Variants in PTPN13 observed in about 807,000 individuals in gnomAD.
PTPN13 encodes tyrosine-protein phosphatase non-receptor type 13.
In PTPN13, 191 loss-of-function variants were observed where a neutral mutation model predicts 284.0. The observed-to-expected ratio is 0.67, with a 90% CI of 0.60 to 0.76. The LOEUF is 0.76. Ranked by LOEUF, PTPN13 falls within the 30% of genes least tolerant of loss-of-function variation. PTPN13 has a pLI of 0.00. For synonymous variants in PTPN13, 986 were observed against 1,022.3 expected (o/e 0.96, Z 0.68); for missense variants, 2,797 against 2,939.9 (o/e 0.95, Z 1.12).
In PTPN13 at chr4:86,701,291, C is replaced by T; in HGVS notation, c.685C>T (p.His229Tyr). Reference sequence around the variant, plus strand: ...AGACATACAAAAGCCTCCACTCTCTCATCAGACCTTTCTTAACAAAGGGCT... The same window carrying T: ...AGACATACAAAAGCCTCCACTCTCTTATCAGACCTTTCTTAACAAAGGGCT... ...VLDIQKPPLS[H>Y]QTFLNKGLSK... The change falls in exon 7 of 48, where the codon CAT becomes TAT. Residue 229 changes from histidine (H) to tyrosine (Y), a missense_variant. His to Tyr is a moderately conservative substitution (Grantham distance 83, BLOSUM62 2). Transcript: ENST00000411767. The T allele has an allele frequency of 6.2e-7, 1 of 1,610,616 alleles. No individual in the cohort carries two copies. The highest frequency in any genetic ancestry group is 1.3e-5 in the African/African-American group (1 of 74,880).
In PTPN13 at chr4:86,636,973, G is replaced by A. The variant is rs1340077203; in HGVS notation, c.115+1602G>A. On this transcript the variant is annotated intron_variant, in intron 2 of 47. Transcript: ENST00000411767. ...AAAAAGAGAGAAGAATCAAATAGAC[G>A]CAATAAAAAATGATAAAGGGGATAT... is the stretch of plus-strand genomic sequence containing the variant. Among the ~76,000 whole-genome samples, 551 of 150,930 alleles carry A rather than the reference G, an allele frequency of 3.7e-3. 1 individual carries two copies. Among genetic ancestry groups the A allele is most frequent in the African/African-American group, 0.012 (484 of 41,276 alleles).
intron 1 of PTPN13, among the ~76,000 whole-genome samples, chr4:86,596,354 G>A (rs969933143): frequency 6.6e-6 from 1 of 152,142 alleles, no homozygotes; most frequent in South Asian, 2.1e-4. Context: ...ATATTTTGGA[G>A]GGTGATTACC....
At chr4:86,652,221 C>T (rs1418466992) in intron 2 of PTPN13, among the ~76,000 whole-genome samples, 1 of 151,966 alleles carries the variant, frequency 6.6e-6, no homozygotes, top group Non-Finnish European at 1.5e-5. Context: ...TTTGCTATTG[C>T]TTTCTCTTTA....
chr4:86,778,554 A>C (rs781132932), intron 35 of PTPN13, among the ~76,000 whole-genome samples: 3 of 152,244 alleles, frequency 2.0e-5, no homozygotes, highest in Admixed American at 1.3e-4. Flanking sequence ...GTTACTCAAA[A>C]GAACAAGAGT....
In PTPN13 at chr4:86,781,665, T is replaced by A. The variant is rs149112586; in HGVS notation, c.5963-536T>A. ...ATTCAGCCCAAACTGAGCTTTGATG[T>A]GAACTATTTTCTTTTAAGAAATTAG... On this transcript the variant is annotated intron_variant, in intron 36 of 47. Transcript: ENST00000411767. 1.4e-4 allele frequency among the ~76,000 whole-genome samples: 21 copies of A among 152,296 alleles called. No homozygotes were observed. The East Asian group carries it at 3.7e-3, about 27-fold the overall frequency.
At chr4:86,748,863 G>T (rs1737075454) in intron 17 of PTPN13, among the ~76,000 whole-genome samples, 1 of 152,110 alleles carries the variant, frequency 6.6e-6, no homozygotes, top group Non-Finnish European at 1.5e-5. Flanking sequence ...CACCGTGTTA[G>T]CCAGGATGAT....
intron 36 of PTPN13, among the ~76,000 whole-genome samples, chr4:86,780,824 A>G (rs879729438): frequency 1.1e-4 from 17 of 152,244 alleles, no homozygotes; most frequent in Non-Finnish European, 1.8e-4. Flanking sequence ...TAATTAAAAT[A>G]AACTCAAAAT....
intron 46 of PTPN13, 127 bp downstream of exon 46, chr4:86,810,111 C>G (rs28631999): frequency 0.1 from 68,250 of 679,132 alleles, 3,875 homozygotes; most frequent in Non-Finnish European, 0.12. Context: ...TCATTTTCTT[C>G]TTATATTATT....
intron 17 of PTPN13, 64 bp from the exon 18 acceptor site, chr4:86,750,406 A>G: frequency 7.3e-7 from 1 of 1,376,084 alleles, no homozygotes; most frequent in Non-Finnish European, 9.9e-7. Flanking sequence ...ATTTATTAAC[A>G]TAATTATTCT....
At chr4:86,808,006 A>T (rs1386192811) in intron 45 of PTPN13, 109 bp downstream of exon 45, 1 of 963,258 alleles carries the variant, frequency 1.0e-6, no homozygotes, top group African/African-American at 1.7e-5. Context: ...AAAGACAGTG[A>T]CTTCCTAGTT....
At chr4:86,635,518 A>G in intron 2 of PTPN13, 147 bp downstream of exon 2, 1 of 1,269,438 alleles carries the variant, frequency 7.9e-7, no homozygotes, top group Non-Finnish European at 1.1e-6. Context: ...TATCTCTTTT[A>G]GGGCTGAAAA....
At chr4:86,611,550 AT>A (rs1719882648) in intron 1 of PTPN13, among the ~76,000 whole-genome samples, 1 of 152,246 alleles carries the variant, frequency 6.6e-6, no homozygotes, top group Non-Finnish European at 1.5e-5. Context: ...GGGACAAAAT[AT>A]GTGAAACAAC....
chr4:86,636,445 C>T (rs140064140), intron 2 of PTPN13, among the ~76,000 whole-genome samples: 1 of 152,162 alleles, frequency 6.6e-6, no homozygotes, highest in African/African-American at 2.4e-5. Context: ...AAAAACCAAG[C>T]GTCATCTAAA....
At chr4:86,715,936 G>A (rs1480219265) in intron 7 of PTPN13, among the ~76,000 whole-genome samples, 1 of 152,168 alleles carries the variant, frequency 6.6e-6, no homozygotes, top group African/African-American at 2.4e-5. Flanking sequence ...CGGCCCTCTT[G>A]TACAGTGCAC....
At position 86,758,301 on chromosome 4, in the gene PTPN13, A is replaced by G. The variant is rs1565498654; in HGVS notation, c.3265A>G (p.Arg1089Gly). 2.5e-6 allele frequency: 4 copies of G among 1,612,346 alleles called. No individual in the cohort carries two copies. The highest frequency in any genetic ancestry group is 1.7e-6 in the Non-Finnish European group (2 of 1,178,988). ...KRWSIVSSPE[R>G]EITLVNLKKD... ...ATGGAGCATAGTATCTTCACCAGAA[A>G]GGGAGATCACCTTAGTGAACCTGAA... The change falls in exon 21 of 48, where the codon AGG becomes GGG. Residue 1089 changes from arginine (R) to glycine (G), a missense_variant. Arg to Gly is a moderately radical substitution (Grantham distance 125). Coordinates refer to ENST00000411767, the MANE Select transcript of PTPN13 (RefSeq NM_080683.3).
chr4:86,647,550 A>T (rs1237986829), intron 2 of PTPN13, among the ~76,000 whole-genome samples: 1 of 151,900 alleles, frequency 6.6e-6, no homozygotes, highest in Admixed American at 6.5e-5. Context: ...GAAAAATTTT[A>T]AAAATTTTAA....
chr4:86,775,556 A>T lies in PTPN13; in HGVS notation c.5795A>T (p.His1932Leu). Residue 1932 changes from histidine to leucine, a missense_variant, in exon 35 of 48, where the codon CAT becomes CTT. Physicochemically the swap from His to Leu is moderately conservative, Grantham distance 99 (BLOSUM62 -3). Coordinates refer to ENST00000411767, the MANE Select transcript of PTPN13 (RefSeq NM_080683.3). ...EGNLQLLDVI[H>L]YVNGVSTQGM... ...AATCTCCAGCTATTAGATGTCATCC[A>T]TTATGTGAACGGAGTCAGCACACAA... 1.2e-6 allele frequency: 2 copies of T among 1,613,740 alleles called. No individual in the cohort carries two copies. The highest frequency in any genetic ancestry group is 1.7e-6 in the Non-Finnish European group (2 of 1,179,740).
chr4:86,803,629 G>A lies in PTPN13; in HGVS notation c.6506-80G>A, dbSNP rs993179984. On this transcript the variant is annotated intron_variant, in intron 42 of 47. Transcript: ENST00000411767. ...ATAGACTTTCCCTTTTGTAAGATGA[G>A]GTGAACATAGGCTGAAATTAGTTCA... 4 of 1,398,528 alleles carry A rather than the reference G, an allele frequency of 2.9e-6. No individual in the cohort carries two copies. In the African/African-American group the frequency reaches 5.7e-5, roughly 20 times the overall value. 86.6% of individuals were successfully genotyped at this position (1,398,528 alleles called of 1,614,324 possible).
intron 44 of PTPN13, among the ~76,000 whole-genome samples, chr4:86,806,972 T>A (rs995186603): frequency 3.9e-5 from 6 of 152,198 alleles, no homozygotes; most frequent in African/African-American, 1.4e-4. Context: ...TAAGGGCCTT[T>A]ATGCCTGGAT....
Sources: allele counts gnomAD v4.1 joint callset (sites outside exome capture counted in the v4.1 genomes callset), GRCh38; gene constraint gnomAD v4.1.1; transcripts MANE v1.5; gene names NCBI Gene and HGNC (gene_info 2026-07-23, HGNC 2026-07-21).